The following PRKN variants were observed in gnomAD, a reference collection of about 807,000 sequenced individuals.
PRKN encodes parkin RBR E3 ubiquitin protein ligase, also known as E3 ubiquitin-protein ligase parkin.
Under a neutral mutation model 59.5 loss-of-function variants are expected in PRKN, and 56 were observed. The observed-to-expected ratio is 0.94, with a 90% CI of 0.76 to 1.18. The LOEUF (loss-of-function observed/expected upper bound fraction) is 1.18, where lower values mean the gene tolerates loss of function less well. PRKN is among the 50% of genes most tolerant of loss of function. The pLI is 0.00. For missense variants in PRKN, 657 were observed against 596.4 expected (o/e 1.10, Z -1.06); for synonymous variants, 250 against 222.1 (o/e 1.13, Z -1.12).
At chr6:161,752,704 CA>C (rs887380054) in intron 7 of PRKN, among the ~76,000 whole-genome samples, 16 of 152,202 alleles carry the variant, frequency 1.1e-4, no homozygotes, top group African/African-American at 3.9e-4. Flanking sequence ...AACAAACAAA[CA>C]AAAAACATGC....
At chr6:162,561,580 A>C (rs925997057) in intron 1 of PRKN, among the ~76,000 whole-genome samples, 2 of 152,120 alleles carry the variant, frequency 1.3e-5, no homozygotes, top group Admixed American at 6.6e-5. Context: ...AAAAACAAAA[A>C]CAAAAAAAAC....
At chr6:162,231,565 C>T (rs1778418391) in intron 3 of PRKN, among the ~76,000 whole-genome samples, 1 of 152,194 alleles carries the variant, frequency 6.6e-6, no homozygotes, top group Non-Finnish European at 1.5e-5. Context: ...CAGACAGTAT[C>T]AGCTGCCTGC....
intron 4 of PRKN, among the ~76,000 whole-genome samples, chr6:162,161,535 C>T (rs753053789): frequency 7.2e-5 from 11 of 152,202 alleles, no homozygotes; most frequent in African/African-American, 1.2e-4. Context: ...TGAAATCTCA[C>T]GCCACCTTGC....
In PRKN at chr6:161,361,319, T is replaced by A. The variant is rs910136039; in HGVS notation, c.1168-1114A>T. Reference sequence around the variant, plus strand: ...GTTTCTTTAGGAATTAGTGTTCATGTTTCTGTTATTTCTGTGGAAAGTCAA... The same window carrying A: ...GTTTCTTTAGGAATTAGTGTTCATGATTCTGTTATTTCTGTGGAAAGTCAA... On this transcript the variant is annotated intron_variant, in intron 10 of 11. Transcript: ENST00000366898. The surrounding 1 kb of genome is among the most constrained non-coding windows in gnomAD (Gnocchi z 5.2). Among the ~76,000 whole-genome samples the A allele has an allele frequency of 2.0e-5, 3 of 152,214 alleles. No individual in the cohort carries two copies. Among genetic ancestry groups the A allele is most frequent in the African/African-American group, 7.2e-5 (3 of 41,456 alleles).
intron 5 of PRKN, among the ~76,000 whole-genome samples, chr6:162,017,601 T>A (rs964221051): frequency 6.1e-5 from 9 of 146,928 alleles, no homozygotes; most frequent in Non-Finnish European, 1.1e-4. Context: ...GGTTTAACAT[T>A]TCATGCGATC....
chr6:161,900,826 A>G (rs1457730001), intron 6 of PRKN, among the ~76,000 whole-genome samples: 1 of 142,046 alleles, frequency 7.0e-6, no homozygotes, highest in Non-Finnish European at 1.5e-5. Context: ...AATATATATT[A>G]TGTATTGTAT....
intron 7 of PRKN, among the ~76,000 whole-genome samples, chr6:161,760,432 A>T (rs529613079): frequency 1.3e-5 from 2 of 151,618 alleles, no homozygotes; most frequent in East Asian, 4.0e-4. Context: ...CCTCAATTTC[A>T]GTTCTAGTGG....
chr6:162,066,249 T>C (rs1029709377), intron 4 of PRKN, among the ~76,000 whole-genome samples: 4 of 152,160 alleles, frequency 2.6e-5, no homozygotes, highest in Non-Finnish European at 4.4e-5. Flanking sequence ...CTGGAAACAA[T>C]TCTTTACCAG....
At chr6:162,357,317 T>G (rs947341135) in intron 2 of PRKN, among the ~76,000 whole-genome samples, 3 of 151,938 alleles carry the variant, frequency 2.0e-5, no homozygotes, top group Non-Finnish European at 2.9e-5. Context: ...GTCAAAAGAG[T>G]TAAGCAGACA....
intron 2 of PRKN, among the ~76,000 whole-genome samples, chr6:162,427,604 T>C (rs1477373426): frequency 6.6e-6 from 1 of 152,150 alleles, no homozygotes; most frequent in African/African-American, 2.4e-5. Flanking sequence ...AGCATGCAAA[T>C]TAGCAGTATT....
Position 162,262,583 on chromosome 6 carries a change from C to G in PRKN, c.354G>C (p.Gly118=). ...SSSVLPGDSV[G]LAVILHTDSR... The stretch of plus-strand genomic sequence containing the variant: ...TGTCAGTGTGCAGAATGACAGCCAG[C>G]CCCACAGAGTCTCCTGGGAGGACTG... Residue 118 remains glycine (G), a synonymous_variant, in exon 3 of 12, where the codon GGG becomes GGC. Transcript: ENST00000366898. 6.2e-7 allele frequency: 1 copy of G among 1,613,116 alleles called. No homozygotes were observed. The highest frequency in any genetic ancestry group is 1.1e-5 in the South Asian group (1 of 91,078).
intron 6 of PRKN, among the ~76,000 whole-genome samples, chr6:161,876,151 A>T (rs1794724860): frequency 6.6e-6 from 1 of 152,166 alleles, no homozygotes; most frequent in Non-Finnish European, 1.5e-5. Context: ...AAACAAATAT[A>T]AATGTTTTAA....
intron 2 of PRKN, among the ~76,000 whole-genome samples, chr6:162,420,565 CA>C (rs1200901058): frequency 6.6e-6 from 1 of 152,206 alleles, no homozygotes; most frequent in African/African-American, 2.4e-5. Flanking sequence ...GCATTTATAA[CA>C]ACCTTCCCAT....
chr6:161,443,309 CA>C (rs145832867), intron 9 of PRKN, among the ~76,000 whole-genome samples: 2,697 of 79,910 alleles, frequency 0.034, 67 homozygotes, highest in African/African-American at 0.1. Context: ...GACTCCGTCT[CA>C]AAAAAAAAAA....
At chr6:161,999,614 A>T (rs1019215434) in intron 5 of PRKN, among the ~76,000 whole-genome samples, 16 of 152,122 alleles carry the variant, frequency 1.1e-4, no homozygotes, top group African/African-American at 3.6e-4. Flanking sequence ...CGAGCCAAGA[A>T]GGTGGCAAGA....
chr6:161,817,474 A>G (rs1791836399), intron 6 of PRKN, among the ~76,000 whole-genome samples: 3 of 152,214 alleles, frequency 2.0e-5, no homozygotes, highest in South Asian at 2.1e-4. Flanking sequence ...TTGAAACTAT[A>G]TATTTCCCAG....
chr6:162,331,439 C>T lies in PRKN; in HGVS notation c.172-68674G>A, dbSNP rs545512870. 2.6e-3 allele frequency among the ~76,000 whole-genome samples: 397 copies of T among 152,318 alleles called. 1 individual carries two copies. Among genetic ancestry groups the T allele is most frequent in the Non-Finnish European group, 4.1e-3 (280 of 68,030 alleles). On this transcript the variant is annotated intron_variant, in intron 2 of 11. Transcript: ENST00000366898. ...TCATTTATGTATCCATCCCTTCATT[C>T]TTTCATGCTGTAAACAACATAAACT... is the stretch of plus-strand genomic sequence containing the variant.
intron 1 of PRKN, among the ~76,000 whole-genome samples, chr6:162,666,170 GATGT>G (rs1779095143): frequency 1.3e-5 from 2 of 152,104 alleles, no homozygotes; most frequent in African/African-American, 4.8e-5. Flanking sequence ...CCAGTTTTAA[GATGT>G]CTATAAGAAA....
intron 1 of PRKN, among the ~76,000 whole-genome samples, chr6:162,717,339 G>C (rs971582720): frequency 6.6e-6 from 1 of 152,100 alleles, no homozygotes; most frequent in Non-Finnish European, 1.5e-5. Context: ...AACTTTGGGA[G>C]ACTGAGGTGG....
Sources: allele counts gnomAD v4.1 joint callset (sites outside exome capture counted in the v4.1 genomes callset), GRCh38; gene constraint gnomAD v4.1.1; non-coding constraint Gnocchi (gnomAD v3.1); transcripts MANE v1.5; gene names NCBI Gene and HGNC (gene_info 2026-07-23, HGNC 2026-07-21).